AFF1: variants seen among roughly 807,000 people sequenced by gnomAD.
AFF1 encodes ALF transcription elongation factor 1.
AFF1 carries 48 observed loss-of-function variants against 121.7 expected under a neutral mutation model. The ratio of observed to expected loss-of-function variants is 0.39; its 90% CI spans 0.31 to 0.50. The LOEUF (loss-of-function observed/expected upper bound fraction) is 0.50, where lower values mean the gene tolerates loss of function less well. Ranked by LOEUF, AFF1 falls within the 20% of genes least tolerant of loss-of-function variation. The pLI, the probability that AFF1 is intolerant of heterozygous loss-of-function variation, is 0.76. For missense variants in AFF1, 1,523 were observed against 1,511.7 expected, an observed-to-expected ratio of 1.01 and a Z score of -0.12; for synonymous variants, 613 against 563.0, an observed-to-expected ratio of 1.09 and a Z score of -1.26.
chr4:87,084,152 A>G lies in AFF1; in HGVS notation c.1092A>G (p.Glu364=). The change falls in exon 5 of 21, where the codon GAA becomes GAG. Residue 364 remains glutamate, a synonymous_variant. Coordinates refer to ENST00000395146, the MANE Select transcript of AFF1 (RefSeq NM_001166693.3). The part of the protein sequence containing the change: ...QTYSNEVHCV[E]EILKEMTHSW... ...ACTCCAATGAAGTCCATTGTGTTGA[A>G]GAGATTCTGAAGGTGAGTTCACTGT... is the stretch of plus-strand genomic sequence containing the variant. 1.2e-6 allele frequency: 2 copies of G among 1,612,600 alleles called. No homozygotes were observed. The highest frequency in any genetic ancestry group is 1.7e-6 in the Non-Finnish European group (2 of 1,178,848).
intron 2 of AFF1, among the ~76,000 whole-genome samples, chr4:86,984,340 T>G (rs1724035954): frequency 6.6e-6 from 1 of 151,288 alleles, no homozygotes. Context: ...TCTTTTTTTT[T>G]TTTTTGTGAC....
intron 2 of AFF1, among the ~76,000 whole-genome samples, chr4:86,963,053 C>G (rs569257509): frequency 6.6e-6 from 1 of 150,504 alleles, no homozygotes; most frequent in African/African-American, 2.4e-5. Context: ...GTAATCCCAG[C>G]TACTTGAGAG....
intron 2 of AFF1, among the ~76,000 whole-genome samples, chr4:86,991,834 C>CTTTT (rs34804329): frequency 8.8e-6 from 1 of 113,706 alleles, no homozygotes; most frequent in Non-Finnish European, 1.9e-5. Context: ...CTTCAAATTG[C>CTTTT]TTTTTTTTTT....
intron 4 of AFF1, among the ~76,000 whole-genome samples, chr4:87,078,162 C>T (rs1722853577): frequency 2.0e-5 from 3 of 152,128 alleles, no homozygotes; most frequent in African/African-American, 7.2e-5. Flanking sequence ...TGCCAATCTA[C>T]GTGTGAAAAG....
chr4:87,110,241 G>T (rs1205651020), intron 11 of AFF1, among the ~76,000 whole-genome samples: 1 of 150,896 alleles, frequency 6.6e-6, no homozygotes, highest in Non-Finnish European at 1.5e-5. Context: ...GTATATATGA[G>T]TGCGTGACAT....
chr4:87,139,849 G>A lies in AFF1; in HGVS notation c.*4148G>A, dbSNP rs964564627. ...GTTGTGTTGGTTTCTCGGTGACTTG[G>A]AGTGTTCATCTCTTCATGAATTGTG... On this transcript the variant is annotated 3_prime_UTR_variant, in exon 21 of 21. Coordinates refer to ENST00000395146, the MANE Select transcript of AFF1 (RefSeq NM_001166693.3). The A allele has an allele frequency of 4.5e-6, 1 of 224,536 alleles. No individual in the cohort carries two copies. Among genetic ancestry groups the A allele is most frequent in the African/African-American group, 2.2e-5 (1 of 44,790 alleles). The allele number at this position is 224,536 out of a possible 1,614,324, so 13.9% of individuals were successfully genotyped here.
At chr4:87,017,209 A>G (rs1459410155) in intron 2 of AFF1, among the ~76,000 whole-genome samples, 3 of 149,962 alleles carry the variant, frequency 2.0e-5, no homozygotes, top group Non-Finnish European at 2.9e-5. Context: ...TTTTCAAACT[A>G]TATGCCTAGC....
At chr4:87,049,552 A>G in intron 4 of AFF1, 1 of 416,426 alleles carries the variant, frequency 2.4e-6, no homozygotes, top group Non-Finnish European at 4.8e-6. Flanking sequence ...AAAATCCTCC[A>G]TACATTTGGT....
At chr4:86,941,469 G>A (rs1560489735) in intron 1 of AFF1, among the ~76,000 whole-genome samples, 1 of 152,148 alleles carries the variant, frequency 6.6e-6, no homozygotes, top group Non-Finnish European at 1.5e-5. Flanking sequence ...GTTGAGCCTG[G>A]CCAACGTGAT....
At chr4:87,005,570 T>C (rs1726040596) in intron 2 of AFF1, among the ~76,000 whole-genome samples, 1 of 152,236 alleles carries the variant, frequency 6.6e-6, no homozygotes, top group Non-Finnish European at 1.5e-5. Context: ...TGTGAATTGT[T>C]CTTTCAAGTA....
At chr4:86,995,601 C>T (rs1329711702) in intron 2 of AFF1, among the ~76,000 whole-genome samples, 1 of 151,180 alleles carries the variant, frequency 6.6e-6, no homozygotes, top group African/African-American at 2.5e-5. Flanking sequence ...GACGGAGTCT[C>T]CTTCACTCAG....
chr4:87,071,927 T>C (rs2149678857), intron 4 of AFF1, among the ~76,000 whole-genome samples: 1 of 152,252 alleles, frequency 6.6e-6, no homozygotes, highest in South Asian at 2.1e-4. Context: ...GATTGGAGTT[T>C]CGGGTCAGGA....
At chr4:87,049,595 G>T in intron 4 of AFF1, 2 of 440,076 alleles carry the variant, frequency 4.5e-6, no homozygotes, top group Non-Finnish European at 4.6e-6. Context: ...TTTGGCACCA[G>T]TGCATCTGCT....
chr4:87,117,084 G>C (rs1324940046), intron 12 of AFF1, among the ~76,000 whole-genome samples: 1 of 152,118 alleles, frequency 6.6e-6, no homozygotes, highest in Non-Finnish European at 1.5e-5. Context: ...TTACCTACCA[G>C]GTGGCAATGT....
At chr4:87,111,466 GCCT>G (rs998615615) in intron 11 of AFF1, among the ~76,000 whole-genome samples, 3 of 151,904 alleles carry the variant, frequency 2.0e-5, no homozygotes. Flanking sequence ...TGATTCTCCT[GCCT>G]CAGCCTCCTG....
rs768836402 is a variant in AFF1 at position 87,084,155 on chromosome 4, G to T, written c.1095G>T (p.Glu365Asp). The T allele has an allele frequency of 1.2e-6, 2 of 1,613,638 alleles. No individual in the cohort carries two copies. The highest frequency in any genetic ancestry group is 1.3e-5 in the African/African-American group (1 of 74,886). ...CCAATGAAGTCCATTGTGTTGAAGA[G>T]ATTCTGAAGGTGAGTTCACTGTTAA... is the stretch of plus-strand genomic sequence containing the variant. ...TYSNEVHCVE[E>D]ILKEMTHSWP... Residue 365 changes from glutamate (E) to aspartate (D), a missense_variant, in exon 5 of 21, where the codon GAG becomes GAT. Glu to Asp is a conservative substitution (Grantham distance 45). Around this residue, in one of 5 missense-constraint regions of AFF1, gnomAD observed 905 missense variants for 842.5 expected, o/e 1.07. Coordinates refer to ENST00000395146, the MANE Select transcript of AFF1 (RefSeq NM_001166693.3).
rs188140124 is a variant in AFF1, at chr4:87,017,079, G to A, written c.39-29087G>A. The stretch of plus-strand genomic sequence containing the variant: ...ACTTTGGACATATATATATGTGTGT[G>A]TGTGTATGTGTATATATATGTGTTT... On this transcript the variant is annotated intron_variant, in intron 2 of 20. Transcript: ENST00000395146. Among the ~76,000 whole-genome samples, 797 of 145,708 alleles carry A rather than the reference G, an allele frequency of 5.5e-3. 5 individuals are homozygous for A. The highest frequency in any genetic ancestry group is 0.011 in the Middle Eastern group (3 of 278).
At position 87,044,398 on chromosome 4, in the gene AFF1, A is replaced by C. The variant is rs546291658; in HGVS notation, c.39-1768A>C. Reference sequence around the variant, plus strand: ...GCTTTAGCACCAAGAGAGGTGCTAAATTTGCGAGGTTCGTTTCTGATGGAG... The same window carrying C: ...GCTTTAGCACCAAGAGAGGTGCTAACTTTGCGAGGTTCGTTTCTGATGGAG... On this transcript the variant is annotated intron_variant, in intron 2 of 20. Transcript: ENST00000395146. 2.6e-5 allele frequency among the ~76,000 whole-genome samples: 4 copies of C among 152,294 alleles called. No homozygotes were observed. The East Asian group carries it at 7.7e-4, about 29-fold the overall frequency.
intron 20 of AFF1, 51 bp from the exon 21 acceptor site, chr4:87,135,529 G>A (rs764306475): frequency 6.2e-6 from 9 of 1,452,560 alleles, no homozygotes; most frequent in African/African-American, 1.4e-5. Context: ...TTTAATTTTT[G>A]TGTGTGCTTG....
Sources: gnomAD v4.1 joint callset for allele counts (sites outside exome capture counted in the v4.1 genomes callset) on GRCh38, gnomAD v4.1.1 for gene constraint, gnomAD v4.1.1 regional missense constraint, MANE v1.5 for transcripts, NCBI Gene and HGNC (gene_info 2026-07-23, HGNC 2026-07-21) for gene names.